PCDHGB2: variants seen among roughly 807,000 people sequenced by gnomAD.
PCDHGB2 encodes protocadherin gamma subfamily B, 2.
Under a neutral mutation model 59.3 loss-of-function variants are expected in PCDHGB2, and 55 were observed. The ratio of observed to expected loss-of-function variants is 0.93; its 90% CI spans 0.75 to 1.16. The LOEUF (loss-of-function observed/expected upper bound fraction) is 1.16, where lower values mean the gene tolerates loss of function less well. Ranked by LOEUF, PCDHGB2 falls within the 50% of genes most tolerant of loss-of-function variation. The pLI, the probability that PCDHGB2 is intolerant of heterozygous loss-of-function variation, is 0.00. For missense variants in PCDHGB2, 1,228 were observed against 1,198.5 expected (o/e 1.02, Z -0.36); for synonymous variants, 516 against 512.0 (o/e 1.01, Z -0.11).
chr5:141,418,832 G>A, intron 1 of PCDHGB2: 1 of 1,614,008 alleles, frequency 6.2e-7, no homozygotes, highest in Non-Finnish European at 8.5e-7. Flanking sequence ...AAAAGACCGA[G>A]GATCTCTCTC....
At chr5:141,448,654 A>G (rs966383140) in intron 1 of PCDHGB2, among the ~76,000 whole-genome samples, 1 of 152,048 alleles carries the variant, frequency 6.6e-6, no homozygotes, top group African/African-American at 2.4e-5. Context: ...AAATATTTCC[A>G]TATTGGCCGG....
chr5:141,463,382 T>C (rs2099057893), intron 1 of PCDHGB2, among the ~76,000 whole-genome samples: 1 of 151,594 alleles, frequency 6.6e-6, no homozygotes, highest in Admixed American at 6.6e-5. Context: ...AGTCTGAAAG[T>C]TGTCTCCAGG....
At chr5:141,418,357 G>T (rs375883635) in intron 1 of PCDHGB2, 2 of 1,613,864 alleles carry the variant, frequency 1.2e-6, no homozygotes, top group African/African-American at 2.7e-5. Flanking sequence ...GTATGAATTC[G>T]CTGAGCAAAT....
rs774774450 is a variant in PCDHGB2, at chr5:141,398,863, G to A, written c.2421+36307G>A. The A allele has an allele frequency of 2.5e-6, 4 of 1,613,868 alleles. No homozygotes were observed. The highest frequency in any genetic ancestry group is 2.7e-5 in the African/African-American group (2 of 74,928). ...TAATCCCCCGGTATTCAACCGAGACGTGTACAGAGTCAGCCTTCGGGAAAA... is the reference window on the plus strand; with the variant it reads ...TAATCCCCCGGTATTCAACCGAGACATGTACAGAGTCAGCCTTCGGGAAAA... On this transcript the variant is annotated intron_variant, in intron 1 of 3. Transcript: ENST00000522605.
At chr5:141,435,821 T>C (rs571444304) in intron 1 of PCDHGB2, among the ~76,000 whole-genome samples, 72 of 152,240 alleles carry the variant, frequency 4.7e-4, no homozygotes, top group African/African-American at 1.6e-3. Context: ...CTTTCTTCTT[T>C]GTTTGCTGCC....
intron 1 of PCDHGB2, among the ~76,000 whole-genome samples, chr5:141,386,754 C>T (rs1026748961): frequency 9.8e-5 from 15 of 152,302 alleles, no homozygotes; most frequent in Admixed American, 3.3e-4. Flanking sequence ...GGCAGAACTA[C>T]GGTTATAAGG....
intron 1 of PCDHGB2, chr5:141,383,907 A>G: frequency 6.2e-7 from 1 of 1,613,958 alleles, no homozygotes; most frequent in Non-Finnish European, 8.5e-7. Flanking sequence ...TACTGATCAC[A>G]GTTTTAGATG....
At chr5:141,478,161 C>T (rs201111122) in intron 1 of PCDHGB2, 20 of 1,613,852 alleles carry the variant, frequency 1.2e-5, no homozygotes, top group Admixed American at 3.3e-5. Context: ...TCTGGCTCTG[C>T]CCCCCGGGAG....
intron 1 of PCDHGB2, chr5:141,366,493 G>A: frequency 4.3e-6 from 7 of 1,614,256 alleles, no homozygotes; most frequent in Non-Finnish European, 5.9e-6. Context: ...GCTGGCACAA[G>A]TCACGCCTGC....
intron 1 of PCDHGB2, chr5:141,398,625 T>C (rs777533974): frequency 6.2e-7 from 1 of 1,614,046 alleles, no homozygotes; most frequent in South Asian, 1.1e-5. Context: ...GCTTAAACTC[T>C]CTGCAGAAGT....
At position 141,431,823 on chromosome 5, in the gene PCDHGB2, CG is replaced by C. The variant is rs754257436; in HGVS notation, c.2422-62982del. ...GTGGTCCTCACCTCTCTCGCCAGCTCGGTTCCCGAAAACTCTCCCAGAGGGA... is the reference window on the plus strand; with the variant it reads ...GTGGTCCTCACCTCTCTCGCCAGCTCGTTCCCGAAAACTCTCCCAGAGGGA... On this transcript the variant is annotated intron_variant, in intron 1 of 3. Transcript: ENST00000522605. The surrounding 1 kb of genome is among the most constrained non-coding windows in gnomAD (Gnocchi z 4.8). 2.5e-6 allele frequency: 4 copies of C among 1,614,142 alleles called. No homozygotes were observed. In the East Asian group the frequency reaches 8.9e-5, roughly 36 times the overall value.
intron 1 of PCDHGB2, among the ~76,000 whole-genome samples, chr5:141,492,421 C>G (rs986772215): frequency 5.9e-5 from 9 of 152,250 alleles, no homozygotes; most frequent in African/African-American, 1.9e-4. Context: ...CTCCCTCCGC[C>G]GGGCTCAGGA....
At chr5:141,427,088 T>C in intron 1 of PCDHGB2, 1 of 458,156 alleles carries the variant, frequency 2.2e-6, no homozygotes. Flanking sequence ...CTGACCAGGA[T>C]GAGGGTGTCA....
intron 1 of PCDHGB2, among the ~76,000 whole-genome samples, chr5:141,484,740 GA>G (rs1047805396): frequency 6.6e-6 from 1 of 150,760 alleles, no homozygotes; most frequent in Non-Finnish European, 1.5e-5. Context: ...GGTGTGTTAG[GA>G]AAAAAAATGT....
Position 141,386,987 on chromosome 5 carries a change from A to G in PCDHGB2, c.2421+24431A>G, listed in dbSNP as rs147872708. 4.1e-3 allele frequency among the ~76,000 whole-genome samples: 628 copies of G among 152,308 alleles called. 4 individuals carry two copies. The highest frequency in any genetic ancestry group is 3.9e-3 in the Non-Finnish European group (262 of 68,032). ...CTCAGTGACTTTGTGTTTTGAGGCTATGTATTATCCCCCTGATAACTTTGA... is the reference window on the plus strand; with the variant it reads ...CTCAGTGACTTTGTGTTTTGAGGCTGTGTATTATCCCCCTGATAACTTTGA... On this transcript the variant is annotated intron_variant, in intron 1 of 3. Transcript: ENST00000522605.
intron 1 of PCDHGB2, chr5:141,375,160 T>C (rs373409677): frequency 1.2e-6 from 2 of 1,613,972 alleles, no homozygotes; most frequent in Non-Finnish European, 1.7e-6. Flanking sequence ...TTGCTGAAAG[T>C]GCACCTCCAG....
chr5:141,442,343 G>C (rs1300318674), intron 1 of PCDHGB2: 1 of 152,336 alleles, frequency 6.6e-6, no homozygotes, highest in Non-Finnish European at 1.5e-5. Flanking sequence ...CAGGTTTCTG[G>C]GTAACTGTAG....
chr5:141,500,104 T>G (rs917633032), intron 2 of PCDHGB2, among the ~76,000 whole-genome samples: 4 of 152,124 alleles, frequency 2.6e-5, no homozygotes, highest in Non-Finnish European at 4.4e-5. Flanking sequence ...AATTTATTTG[T>G]TGAATCCCTG....
rs554037493 is a variant in PCDHGB2, at chr5:141,364,941, AAG to A, written c.2421+2389_2421+2390del. On this transcript the variant is annotated intron_variant, in intron 1 of 3. Coordinates refer to ENST00000522605, the MANE Select transcript of PCDHGB2 (RefSeq NM_018923.3). ...TTGGAACAGCCCCTAGACCGCGAGA[AAG>A]AGACTGTTCACGACCTCCTCCTCAC... is the stretch of plus-strand genomic sequence containing the variant. 73 of 1,613,952 alleles carry A rather than the reference AAG, an allele frequency of 4.5e-5. No homozygotes were observed. The East Asian group carries it at 1.6e-3, about 35-fold the overall frequency.
Sources: gnomAD v4.1 joint callset for allele counts (sites outside exome capture counted in the v4.1 genomes callset) on GRCh38, gnomAD v4.1.1 for gene constraint, Gnocchi (gnomAD v3.1) non-coding constraint, MANE v1.5 for transcripts, NCBI Gene and HGNC (gene_info 2026-07-23, HGNC 2026-07-21) for gene names.